RNF38: variants seen among roughly 807,000 people sequenced by gnomAD.
RNF38 encodes the protein E3 ubiquitin-protein ligase RNF38.
A neutral mutation model predicts 67.2 loss-of-function variants in RNF38; 15 were observed. The observed-to-expected ratio is 0.22, with a 90% CI of 0.15 to 0.34. The LOEUF is 0.34. Ranked by LOEUF, RNF38 falls within the 10% of genes least tolerant of loss-of-function variation. The pLI is 1.00. For missense variants in RNF38, 524 were observed against 639.9 expected, an observed-to-expected ratio of 0.82 and a Z score of 1.95; for synonymous variants, 220 against 218.8, an observed-to-expected ratio of 1.01 and a Z score of -0.05.
intron 1 of RNF38, among the ~76,000 whole-genome samples, chr9:36,440,260 T>C (rs1839164619): frequency 6.7e-6 from 1 of 149,664 alleles, no homozygotes; most frequent in African/African-American, 2.5e-5. Flanking sequence ...AAAGAAAAAG[T>C]GGCAGGGCGC....
At chr9:36,445,014 C>T (rs1472910072) in intron 1 of RNF38, among the ~76,000 whole-genome samples, 1 of 145,144 alleles carries the variant, frequency 6.9e-6, no homozygotes, top group Non-Finnish European at 1.5e-5. Flanking sequence ...GCATAAACTA[C>T]AAAGGTTCAA....
chr9:36,421,923 T>A (rs1427649446), intron 2 of RNF38, among the ~76,000 whole-genome samples: 3 of 151,900 alleles, frequency 2.0e-5, no homozygotes, highest in African/African-American at 7.3e-5. Flanking sequence ...GAATAACACC[T>A]GATGATCCTG....
Position 36,363,979 on chromosome 9 carries a change from C to T in RNF38, c.570+5740G>A, listed in dbSNP as rs1249756099. On this transcript the variant is annotated intron_variant, in intron 4 of 11. Transcript: ENST00000259605. The stretch of plus-strand genomic sequence containing the variant: ...CTCCCGAGTACCTGGGATAGGCACC[C>T]ACCACCACGTCTGGCTAACTTTCGT... 4.4e-5 allele frequency among the ~76,000 whole-genome samples: 4 copies of T among 91,248 alleles called. 1 individual carries two copies. The highest frequency in any genetic ancestry group is 2.0e-4 in the Admixed American group (2 of 9,818). 59.9% of individuals were successfully genotyped at this position (91,248 alleles called of 152,430 possible). A position where few individuals can be genotyped will look rare whatever the true frequency, so the allele number is the denominator to read the frequency against.
chr9:36,479,467 G>A (rs1472118062), intron 1 of RNF38, among the ~76,000 whole-genome samples: 1 of 152,224 alleles, frequency 6.6e-6, no homozygotes, highest in Non-Finnish European at 1.5e-5. Context: ...CCATGTGGGG[G>A]TGGAGAGAAG....
At chr9:36,430,164 GAGA>G (rs950205240) in intron 1 of RNF38, among the ~76,000 whole-genome samples, 69 of 152,256 alleles carry the variant, frequency 4.5e-4, no homozygotes, top group African/African-American at 1.6e-3. Flanking sequence ...ACCTCCTAAA[GAGA>G]AGGTGTAATC....
chr9:36,487,622 G>A (rs1480223360), upstream of RNF38: 12 of 970,340 alleles, frequency 1.2e-5, no homozygotes, highest in Non-Finnish European at 1.5e-5. Flanking sequence ...GCGCTGGCTG[G>A]GCCCCGGCCG....
chr9:36,367,857 T>C (rs1835094286), intron 4 of RNF38, among the ~76,000 whole-genome samples: 1 of 152,198 alleles, frequency 6.6e-6, no homozygotes, highest in African/African-American at 2.4e-5. Context: ...AAGTCAGATG[T>C]TTTTATTTTT....
At chr9:36,443,825 C>T (rs1276078352) in intron 1 of RNF38, among the ~76,000 whole-genome samples, 1 of 151,992 alleles carries the variant, frequency 6.6e-6, no homozygotes, top group Non-Finnish European at 1.5e-5. Flanking sequence ...CAGGAGGTTA[C>T]GGATAAGAAC....
At chr9:36,414,244 G>A (rs189153217) in intron 2 of RNF38, among the ~76,000 whole-genome samples, 1 of 152,284 alleles carries the variant, frequency 6.6e-6, no homozygotes, top group Non-Finnish European at 1.5e-5. Flanking sequence ...TACATTCAAC[G>A]TTAGTATTGA....
At chr9:36,477,322 G>GAAA (rs760684192) in intron 1 of RNF38, among the ~76,000 whole-genome samples, 1 of 127,288 alleles carries the variant, frequency 7.9e-6, no homozygotes, top group Non-Finnish European at 1.7e-5. Context: ...GACTCGTCTG[G>GAAA]AAAAAAAAAA....
chr9:36,443,479 T>G (rs1564065209), intron 1 of RNF38, among the ~76,000 whole-genome samples: 1 of 152,182 alleles, frequency 6.6e-6, no homozygotes, highest in Non-Finnish European at 1.5e-5. Context: ...ACAAAGCAAT[T>G]CTATCTTTAT....
At chr9:36,367,514 T>C (rs1835069009) in intron 4 of RNF38, among the ~76,000 whole-genome samples, 1 of 152,194 alleles carries the variant, frequency 6.6e-6, no homozygotes, top group African/African-American at 2.4e-5. Flanking sequence ...TTCAATATTA[T>C]GTTATTCTTT....
chr9:36,475,173 C>T (rs1339142543), intron 1 of RNF38, among the ~76,000 whole-genome samples: 1 of 150,254 alleles, frequency 6.7e-6, no homozygotes, highest in African/African-American at 2.4e-5. Flanking sequence ...AATCTTATTA[C>T]TATTAATGCA....
At chr9:36,374,195 C>T (rs1346660928) in intron 3 of RNF38, among the ~76,000 whole-genome samples, 1 of 152,170 alleles carries the variant, frequency 6.6e-6, no homozygotes, top group Non-Finnish European at 1.5e-5. Flanking sequence ...ATGTAAAAGT[C>T]TTAATGTCTC....
intron 10 of RNF38, among the ~76,000 whole-genome samples, chr9:36,344,534 CT>C (rs1563994082): frequency 6.6e-6 from 1 of 152,142 alleles, no homozygotes; most frequent in African/African-American, 2.4e-5. Context: ...CCTAACAGAA[CT>C]TTCTAAGATG....
At chr9:36,454,589 T>TTG (rs1277607391) in intron 1 of RNF38, among the ~76,000 whole-genome samples, 5 of 147,614 alleles carry the variant, frequency 3.4e-5, no homozygotes, top group African/African-American at 1.0e-4. Context: ...ACTTTTTTTT[T>TTG]TTTTTTTTTT....
intron 2 of RNF38, among the ~76,000 whole-genome samples, chr9:36,379,191 C>T (rs1400668671): frequency 1.3e-5 from 2 of 152,152 alleles, no homozygotes; most frequent in African/African-American, 2.4e-5. Context: ...TGAGCCACTG[C>T]GCTGGGCCAA....
Position 36,336,455 on chromosome 9 carries a change from G to A in RNF38, c.*3297C>T, listed in dbSNP as rs1832447523. ...ACAACCCTCTCAACTCCAAAATTGG[G>A]CACAGGGATTAAAAATAAAAATTCA... On this transcript the variant is annotated 3_prime_UTR_variant, in exon 12 of 12. Coordinates refer to ENST00000259605, the MANE Select transcript of RNF38 (RefSeq NM_022781.5). The A allele has an allele frequency of 6.6e-6, 1 of 152,062 alleles. No homozygotes were observed. The highest frequency in any genetic ancestry group is 1.5e-5 in the Non-Finnish European group (1 of 67,970). 9.4% of individuals were successfully genotyped at this position (152,062 alleles called of 1,614,324 possible). A position where few individuals can be genotyped will look rare whatever the true frequency, so the allele number is the denominator to read the frequency against.
At chr9:36,407,054 G>A (rs78055342) in intron 2 of RNF38, among the ~76,000 whole-genome samples, 1 of 152,136 alleles carries the variant, frequency 6.6e-6, no homozygotes, top group South Asian at 2.1e-4. Context: ...GAGGGAAAAG[G>A]CATATTGGCT....
Sources: allele counts gnomAD v4.1 joint callset (sites outside exome capture counted in the v4.1 genomes callset), GRCh38; gene constraint gnomAD v4.1.1; transcripts MANE v1.5; gene names NCBI Gene and HGNC (gene_info 2026-07-23, HGNC 2026-07-21).